Variants in JAKMIP1 observed in about 807,000 individuals in gnomAD.
JAKMIP1 encodes the protein janus kinase and microtubule interacting protein 1.
Under a neutral mutation model 113.0 loss-of-function variants are expected in JAKMIP1, and 33 were observed. That is an observed-to-expected ratio of 0.29 (90% CI 0.22 to 0.39). The LOEUF is 0.39. JAKMIP1 is among the 10% of genes least tolerant of loss of function. JAKMIP1 has a pLI of 1.00. For missense variants in JAKMIP1, 813 were observed against 1,080.5 expected, an observed-to-expected ratio of 0.75 and a Z score of 3.47; for synonymous variants, 480 against 459.9, an observed-to-expected ratio of 1.04 and a Z score of -0.56.
chr4:6,137,797 G>A lies in JAKMIP1; in HGVS notation c.-147-24800C>T, dbSNP rs935424151. ...TGACCTGAACACAAGTGAGAGCCAG[G>A]TGGGGATAGGACAAGGTGCCCACTG... On this transcript the variant is annotated intron_variant, in intron 1 of 20. Coordinates refer to ENST00000409021, the MANE Select transcript of JAKMIP1 (RefSeq NM_001099433.2). This position sits in a 1 kb window ranked among gnomAD's most constrained non-coding sequence, Gnocchi z 4.5. 2.6e-5 allele frequency among the ~76,000 whole-genome samples: 4 copies of A among 152,378 alleles called. No homozygotes were observed. The highest frequency in any genetic ancestry group is 6.5e-5 in the Admixed American group (1 of 15,312).
At chr4:6,043,394 C>T (rs1480116864) in intron 16 of JAKMIP1, among the ~76,000 whole-genome samples, 3 of 152,024 alleles carry the variant, frequency 2.0e-5, no homozygotes, top group Non-Finnish European at 2.9e-5. Context: ...ACCCCGCACT[C>T]GTGAGGTCCT....
In JAKMIP1 at chr4:6,036,057, C is replaced by T. The variant is rs146662557; in HGVS notation, c.2226G>A (p.Pro742=). Residue 742 remains proline (P), a synonymous_variant, in exon 19 of 21, where the codon CCG becomes CCA. Coordinates refer to ENST00000409021, the MANE Select transcript of JAKMIP1 (RefSeq NM_001099433.2). ...TCAGCGCCTCACCGGCCCTCCGCCCCGGCTCCTGCTGCAGCGCTGTGTACA... is the reference window on the plus strand; with the variant it reads ...TCAGCGCCTCACCGGCCCTCCGCCCTGGCTCCTGCTGCAGCGCTGTGTACA... ...ATLYTALQQE[P]GRRAGEALSE... 1.0e-3 allele frequency: 1,606 copies of T among 1,557,330 alleles called. 10 individuals are homozygous for T. In the African/African-American group the frequency reaches 0.017, roughly 17 times the overall value.
rs920846251 is a variant in JAKMIP1, at chr4:6,181,361, T to C, written c.-148+18892A>G. Among the ~76,000 whole-genome samples, 5 of 152,068 alleles carry C rather than the reference T, an allele frequency of 3.3e-5. No individual in the cohort carries two copies. The highest frequency in any genetic ancestry group is 7.4e-5 in the Non-Finnish European group (5 of 67,992). On this transcript the variant is annotated intron_variant, in intron 1 of 20. Transcript: ENST00000409021. This position sits in a 1 kb window ranked among gnomAD's most constrained non-coding sequence, Gnocchi z 5.4. Reference sequence around the variant, plus strand: ...ACACTAATTACAGGCCTGGAGTACATAAACCAAGATGAGCTTACTGCCAGG... The same window carrying C: ...ACACTAATTACAGGCCTGGAGTACACAAACCAAGATGAGCTTACTGCCAGG...
chr4:6,057,888 C>T (rs1335309510), intron 11 of JAKMIP1, among the ~76,000 whole-genome samples: 1 of 152,234 alleles, frequency 6.6e-6, no homozygotes, highest in Non-Finnish European at 1.5e-5. Flanking sequence ...GGTGGGCCTC[C>T]CTGAGGTGGA....
intron 1 of JAKMIP1, among the ~76,000 whole-genome samples, chr4:6,147,161 C>T (rs978401979): frequency 6.6e-6 from 1 of 152,052 alleles, no homozygotes; most frequent in African/African-American, 2.4e-5. Flanking sequence ...AGGGTTTCAC[C>T]ATGTTGGCCA....
rs148712835 is a variant in JAKMIP1, at chr4:6,197,351, G to T, written c.-148+2902C>A. Among the ~76,000 whole-genome samples the T allele has an allele frequency of 8.7e-4, 133 of 152,238 alleles. 1 individual carries two copies. The highest frequency in any genetic ancestry group is 3.3e-3 in the Admixed American group (50 of 15,294). On this transcript the variant is annotated intron_variant, in intron 1 of 20. Coordinates refer to ENST00000409021, the MANE Select transcript of JAKMIP1 (RefSeq NM_001099433.2). This position sits in a 1 kb window ranked among gnomAD's most constrained non-coding sequence, Gnocchi z 6.5. ...AAGAAGGACCCCAAATGTGGGCGTG[G>T]GAGTTTGCTCTGTGACAAGGCTAAA...
At position 6,176,947 on chromosome 4, in the gene JAKMIP1, C is replaced by T. The variant is rs1160222716; in HGVS notation, c.-148+23306G>A. ...ACTGGGGAGGCTGAGGTGGGAGGATCGCTTGCATCGGGGAGGTTGAGGCTG... is the reference window on the plus strand; with the variant it reads ...ACTGGGGAGGCTGAGGTGGGAGGATTGCTTGCATCGGGGAGGTTGAGGCTG... On this transcript the variant is annotated intron_variant, in intron 1 of 20. Transcript: ENST00000409021. This position sits in a 1 kb window ranked among gnomAD's most constrained non-coding sequence, Gnocchi z 5.5. Among the ~76,000 whole-genome samples, 4 of 152,098 alleles carry T rather than the reference C, an allele frequency of 2.6e-5. No individual in the cohort carries two copies. Among genetic ancestry groups the T allele is most frequent in the South Asian group, 4.2e-4 (2 of 4,812 alleles).
intron 1 of JAKMIP1, among the ~76,000 whole-genome samples, chr4:6,172,138 G>A (rs992698031): frequency 5.9e-5 from 9 of 152,172 alleles, no homozygotes; most frequent in African/African-American, 2.2e-4. Flanking sequence ...TGCTTCTAAT[G>A]TCTAGGATCC....
At chr4:6,070,341 C>T (rs1486639094) in intron 8 of JAKMIP1, 2 of 382,750 alleles carry the variant, frequency 5.2e-6, no homozygotes, top group Non-Finnish European at 9.2e-6. Flanking sequence ...CCTGTGGACC[C>T]GTCTGCTGCA....
intron 1 of JAKMIP1, among the ~76,000 whole-genome samples, chr4:6,117,238 T>G (rs1715924890): frequency 6.6e-6 from 1 of 152,170 alleles, no homozygotes; most frequent in Non-Finnish European, 1.5e-5. Flanking sequence ...ATCACGTAGG[T>G]TCTTTTCTAT....
chr4:6,133,989 G>T (rs1395180917), intron 1 of JAKMIP1, among the ~76,000 whole-genome samples: 1 of 152,158 alleles, frequency 6.6e-6, no homozygotes, highest in Non-Finnish European at 1.5e-5. Flanking sequence ...GAATTAGAAT[G>T]GACTGATATG....
rs970070057 is a variant in JAKMIP1 at position 6,057,211 on chromosome 4, C to T, written c.1645-452G>A. 3.3e-5 allele frequency among the ~76,000 whole-genome samples: 5 copies of T among 152,220 alleles called. No homozygotes were observed. In the East Asian group the frequency reaches 7.7e-4, roughly 23 times the overall value. On this transcript the variant is annotated intron_variant, in intron 11 of 20. Coordinates refer to ENST00000409021, the MANE Select transcript of JAKMIP1 (RefSeq NM_001099433.2). The stretch of plus-strand genomic sequence containing the variant: ...TTGCATAAGTCCTGTGAGCACACGG[C>T]ACCAAGTCCGTCTTGTCGCTGTGGC...
At position 6,093,809 on chromosome 4, in the gene JAKMIP1, T is replaced by C. The variant is rs1264725914; in HGVS notation, c.625-8180A>G. Among the ~76,000 whole-genome samples, 1 of 152,120 alleles carries C rather than the reference T, an allele frequency of 6.6e-6. No individual in the cohort carries two copies. Among genetic ancestry groups the C allele is most frequent in the East Asian group, 1.9e-4 (1 of 5,182 alleles). On this transcript the variant is annotated intron_variant, in intron 3 of 20. Transcript: ENST00000409021. This position sits in a 1 kb window ranked among gnomAD's most constrained non-coding sequence, Gnocchi z 4.6. ...AAGAAGGAGCCAGGTTTGCCCGTGGTAGGAGTCGGTGGGGAACAAGTCCTG... is the reference window on the plus strand; with the variant it reads ...AAGAAGGAGCCAGGTTTGCCCGTGGCAGGAGTCGGTGGGGAACAAGTCCTG...
At chr4:6,079,804 C>CCAAA (rs1395359089) in intron 7 of JAKMIP1, among the ~76,000 whole-genome samples, 1 of 152,152 alleles carries the variant, frequency 6.6e-6, no homozygotes, top group Non-Finnish European at 1.5e-5. Flanking sequence ...TAAAAACCAA[C>CCAAA]CAACCAACCA....
Position 6,105,722 on chromosome 4 carries a change from G to A in JAKMIP1, c.375C>T (p.Ala125=), listed in dbSNP as rs765698852. 9.7e-5 allele frequency: 155 copies of A among 1,601,412 alleles called. No individual in the cohort carries two copies. The East Asian group carries it at 2.1e-3, about 21-fold the overall frequency. Reference sequence around the variant, plus strand: ...TCAGCAGCGCCGTCTTGACCTTGTCGGCCGCGCCGTCGCGCAGCACGTTCA... The same window carrying A: ...TCAGCAGCGCCGTCTTGACCTTGTCAGCCGCGCCGTCGCGCAGCACGTTCA... ...ATLNVLRDGA[A]DKVKTALLTE... is the part of the protein sequence containing the mutation. Residue 125 remains alanine, a synonymous_variant, in exon 3 of 21, where the codon GCC becomes GCT. Coordinates refer to ENST00000409021, the MANE Select transcript of JAKMIP1 (RefSeq NM_001099433.2).
At chr4:6,121,029 G>A (rs185154086) in intron 1 of JAKMIP1, among the ~76,000 whole-genome samples, 111 of 152,130 alleles carry the variant, frequency 7.3e-4, no homozygotes, top group African/African-American at 2.6e-3. Context: ...GTGAAATCCT[G>A]TCTCTACTAA....
At position 6,065,927 on chromosome 4, in the gene JAKMIP1, A is replaced by AG. The variant is rs1448075135; in HGVS notation, c.1303-920dup. The stretch of plus-strand genomic sequence containing the variant: ...CTGCCCCAAGGAGCTTGCATCCCCT[A>AG]GGGGCTACAGACCTCAACCCACAAT... On this transcript the variant is annotated intron_variant, in intron 8 of 20. Transcript: ENST00000409021. The surrounding 1 kb of genome is among the most constrained non-coding windows in gnomAD (Gnocchi z 5.1). Among the ~76,000 whole-genome samples, 1 of 152,190 alleles carries AG rather than the reference A, an allele frequency of 6.6e-6. No individual in the cohort carries two copies. The highest frequency in any genetic ancestry group is 1.5e-5 in the Non-Finnish European group (1 of 68,032).
chr4:6,106,532 C>T lies in JAKMIP1; in HGVS notation c.130-565G>A, dbSNP rs528657931. Among the ~76,000 whole-genome samples the T allele has an allele frequency of 7.0e-6, 1 of 142,396 alleles. No homozygotes were observed. Among genetic ancestry groups the T allele is most frequent in the East Asian group, 1.9e-4 (1 of 5,132 alleles). The allele number at this position is 142,396 out of a possible 152,430, so 93.4% of individuals were successfully genotyped here. On this transcript the variant is annotated intron_variant, in intron 2 of 20. Transcript: ENST00000409021. The surrounding 1 kb of genome is among the most constrained non-coding windows in gnomAD (Gnocchi z 5.9). ...AAGTAGCGTGCTCCCTCTCTTTCTC[C>T]CTCTCTCCTCTCTCTCTCTCTCTCT...
Position 6,104,838 on chromosome 4 carries a change from A to G in JAKMIP1, c.624+635T>C, listed in dbSNP as rs563289568. 5.3e-5 allele frequency among the ~76,000 whole-genome samples: 8 copies of G among 152,230 alleles called. No homozygotes were observed. In the South Asian group the frequency reaches 1.0e-3, roughly 20 times the overall value. On this transcript the variant is annotated intron_variant, in intron 3 of 20. Transcript: ENST00000409021. The stretch of plus-strand genomic sequence containing the variant: ...GATCTCCTGTGCAGCAAGCTGGCCT[A>G]GGTGGGGCTCCTCTGGTTTCCATTG...
Sources: gnomAD v4.1 joint callset for allele counts (sites outside exome capture counted in the v4.1 genomes callset) on GRCh38, gnomAD v4.1.1 for gene constraint, Gnocchi (gnomAD v3.1) non-coding constraint, MANE v1.5 for transcripts, NCBI Gene and HGNC (gene_info 2026-07-23, HGNC 2026-07-21) for gene names.